NEDD9: variants seen among roughly 807,000 people sequenced by gnomAD.
NEDD9 encodes the protein neural precursor cell expressed, developmentally down-regulated 9.
A neutral mutation model predicts 76.6 loss-of-function variants in NEDD9; 26 were observed. That is an observed-to-expected ratio of 0.34 (90% CI 0.25 to 0.47). The LOEUF is 0.47. NEDD9 is among the 20% of genes least tolerant of loss of function. NEDD9 has a pLI of 1.00. For missense variants in NEDD9, 937 were observed against 1,058.5 expected (o/e 0.89, Z 1.59); for synonymous variants, 392 against 414.2 (o/e 0.95, Z 0.65).
At chr6:11,264,359 C>T (rs979045788) in intron 3 of NEDD9, among the ~76,000 whole-genome samples, 2 of 152,132 alleles carry the variant, frequency 1.3e-5, no homozygotes, top group South Asian at 2.1e-4. Context: ...CCCAGCATCC[C>T]GCGCTCATAG....
At chr6:11,330,417 A>G (rs1255889467) in intron 2 of NEDD9, among the ~76,000 whole-genome samples, 4 of 152,210 alleles carry the variant, frequency 2.6e-5, no homozygotes, top group East Asian at 1.9e-4. Flanking sequence ...GGCCTAGGGT[A>G]AAAAACAGGA....
At chr6:11,271,210 A>G (rs1263588146) in intron 3 of NEDD9, among the ~76,000 whole-genome samples, 1 of 151,812 alleles carries the variant, frequency 6.6e-6, no homozygotes, top group Admixed American at 6.6e-5. Context: ...TTTTAACCTT[A>G]TTGTTTTGTA....
chr6:11,219,065 T>C (rs186907227), intron 1 of NEDD9, among the ~76,000 whole-genome samples: 4 of 152,330 alleles, frequency 2.6e-5, no homozygotes, highest in African/African-American at 7.2e-5. Flanking sequence ...ACTTGGGTTC[T>C]GCTGTTCCTG....
intron 6 of NEDD9, among the ~76,000 whole-genome samples, chr6:11,186,994 A>C (rs968607386): frequency 6.6e-6 from 1 of 152,262 alleles, no homozygotes; most frequent in Non-Finnish European, 1.5e-5. Context: ...AAAGCCCTGC[A>C]GTCTTACCTT....
intron 3 of NEDD9, among the ~76,000 whole-genome samples, chr6:11,278,554 A>G (rs1377322375): frequency 6.6e-6 from 1 of 152,228 alleles, no homozygotes; most frequent in East Asian, 1.9e-4. Context: ...GCAGATTCGA[A>G]GAGCTCAAAA....
At chr6:11,336,222 G>T (rs7740341) in intron 1 of NEDD9, among the ~76,000 whole-genome samples, 3,015 of 152,296 alleles carry the variant, frequency 0.02, 80 homozygotes, top group East Asian at 0.12. Context: ...CTATACTATA[G>T]TGATATAATT....
At chr6:11,232,087 TCTGAGACAGA>T (rs1247582219) in intron 1 of NEDD9, among the ~76,000 whole-genome samples, 1 of 152,124 alleles carries the variant, frequency 6.6e-6, no homozygotes, top group East Asian at 1.9e-4. Flanking sequence ...TAAGAGCCAG[TCTGAGACAGA>T]CTATGCAGTC....
Position 11,366,400 on chromosome 6 carries a change from TAAA to T in NEDD9, c.-214+15736_-214+15738del, listed in dbSNP as rs543951996. Among the ~76,000 whole-genome samples the T allele has an allele frequency of 5.2e-3, 334 of 64,840 alleles. 1 individual carries two copies. Among genetic ancestry groups the T allele is most frequent in the Non-Finnish European group, 7.2e-3 (209 of 29,030 alleles). 42.5% of individuals were successfully genotyped at this position (64,840 alleles called of 152,430 possible). On this transcript the variant is annotated intron_variant, in intron 1 of 3. Transcript: ENST00000397378. ...GGAGCAAGACAGAGAGAGAGAGAAA[TAAA>T]AGAAGAAAGAAAAAAGAAAAAGAAA...
At chr6:11,368,183 C>T (rs963786371) in intron 1 of NEDD9, among the ~76,000 whole-genome samples, 3 of 152,138 alleles carry the variant, frequency 2.0e-5, no homozygotes, top group Non-Finnish European at 1.5e-5. Context: ...GGGAAGAAGA[C>T]ACCAGGGCTG....
intron 2 of NEDD9, among the ~76,000 whole-genome samples, chr6:11,332,254 G>T (rs1002687965): frequency 6.6e-6 from 1 of 152,182 alleles, no homozygotes; most frequent in South Asian, 2.1e-4. Context: ...GAACTGCCAG[G>T]TTTGTTTTCC....
Position 11,237,866 on chromosome 6 carries a change from G to A in NEDD9, c.13-24139C>T, listed in dbSNP as rs1028816822. Reference sequence around the variant, plus strand: ...TTCCACATCTACAGGGGAACAATCTGGAAGCTGAGTGAGTGCTAGACCAGA... The same window carrying A: ...TTCCACATCTACAGGGGAACAATCTAGAAGCTGAGTGAGTGCTAGACCAGA... On this transcript the variant is annotated intron_variant, in intron 3 of 3. Coordinates refer to the NEDD9 transcript ENST00000397378. The surrounding 1 kb of genome is among the most constrained non-coding windows in gnomAD (Gnocchi z 4.9). Among the ~76,000 whole-genome samples the A allele has an allele frequency of 6.6e-6, 1 of 152,206 alleles. No individual in the cohort carries two copies. The highest frequency in any genetic ancestry group is 2.4e-5 in the African/African-American group (1 of 41,448).
chr6:11,344,827 C>T (rs1480486226), intron 1 of NEDD9, among the ~76,000 whole-genome samples: 1 of 152,200 alleles, frequency 6.6e-6, no homozygotes, highest in East Asian at 1.9e-4. Context: ...TTTCCCATCT[C>T]TCTTTCTTTT....
rs1367571018 is a variant in NEDD9, at chr6:11,185,714, GT to G, written c.1996-44del. 3 of 1,602,032 alleles carry G rather than the reference GT, an allele frequency of 1.9e-6. No homozygotes were observed. The African/African-American group carries it at 4.0e-5, about 21-fold the overall frequency. On this transcript the variant is annotated intron_variant, in intron 6 of 6. Transcript: ENST00000379446. ...GCAGATCTCATTAGAGCAAGGGAGT[GT>G]GTTGCAATGGAAATTCACTAGGCCT...
chr6:11,259,197 G>T (rs1205597826), intron 3 of NEDD9: 1 of 152,232 alleles, frequency 6.6e-6, no homozygotes, highest in Non-Finnish European at 1.5e-5. Context: ...TGCAGGGAGT[G>T]TTGTTTTGGC....
chr6:11,372,541 G>A (rs1253700346), intron 1 of NEDD9, among the ~76,000 whole-genome samples: 1 of 152,112 alleles, frequency 6.6e-6, no homozygotes, highest in African/African-American at 2.4e-5. Flanking sequence ...TCATATGACA[G>A]CTCTATTTTT....
At chr6:11,193,495 T>G in intron 3 of NEDD9, 96 bp downstream of exon 3, 1 of 831,234 alleles carries the variant, frequency 1.2e-6, no homozygotes, top group East Asian at 2.6e-5. Flanking sequence ...TGACATATAT[T>G]AATGCATAAT....
At chr6:11,324,642 G>A (rs991704896) in intron 2 of NEDD9, among the ~76,000 whole-genome samples, 2 of 152,218 alleles carry the variant, frequency 1.3e-5, no homozygotes, top group Admixed American at 6.5e-5. Flanking sequence ...CAGGAGATAC[G>A]TGTGCCTGTC....
Position 11,193,636 on chromosome 6 carries a change from G to A in NEDD9, c.516C>T (p.Tyr172=), listed in dbSNP as rs571816812. ...HGYVYEYPSR[Y]QKDVYDIPPS... ...GAGGGATATCATAGACGTCCTTTTG[G>A]TATCTGGATGGGTACTCGTATACGT... The change falls in exon 3 of 7, where the codon TAC becomes TAT. Residue 172 remains tyrosine (Y), a synonymous_variant. Transcript: ENST00000379446. 5 of 1,613,980 alleles carry A rather than the reference G, an allele frequency of 3.1e-6. No individual in the cohort carries two copies. The highest frequency in any genetic ancestry group is 4.2e-6 in the Non-Finnish European group (5 of 1,179,886).
chr6:11,297,859 C>G (rs546596971), intron 3 of NEDD9, among the ~76,000 whole-genome samples: 1 of 151,788 alleles, frequency 6.6e-6, no homozygotes, highest in East Asian at 1.9e-4. Context: ...AGAGGCAAGA[C>G]TGGGATTCAA....
Sources: gnomAD v4.1 joint callset for allele counts (sites outside exome capture counted in the v4.1 genomes callset) on GRCh38, gnomAD v4.1.1 for gene constraint, Gnocchi (gnomAD v3.1) non-coding constraint, MANE v1.5 for transcripts, NCBI Gene and HGNC (gene_info 2026-07-23, HGNC 2026-07-21) for gene names.